BMP8B: variants seen among roughly 807,000 people sequenced by gnomAD.
BMP8B encodes the protein bone morphogenetic protein 8 (osteogenic protein 2).
Under a neutral mutation model 30.3 loss-of-function variants are expected in BMP8B, and 17 were observed. The observed-to-expected ratio is 0.56, with a 90% CI of 0.38 to 0.84. The LOEUF (loss-of-function observed/expected upper bound fraction) is 0.84, where lower values mean the gene tolerates loss of function less well. BMP8B is among the 40% of genes least tolerant of loss of function. The pLI is 0.00. For synonymous variants in BMP8B, 131 were observed against 214.7 expected (o/e 0.61, Z 3.41); for missense variants, 253 against 494.6 (o/e 0.51, Z 4.63).
intron 1 of BMP8B, among the ~76,000 whole-genome samples, chr1:39,779,391 G>A (rs1650461509): frequency 6.6e-6 from 1 of 152,188 alleles, no homozygotes; most frequent in Non-Finnish European, 1.5e-5. Flanking sequence ...CAGGGGCTGG[G>A]TGCACCATGG....
At chr1:39,786,235 G>C (rs962347202) in intron 1 of BMP8B, among the ~76,000 whole-genome samples, 1 of 152,202 alleles carries the variant, frequency 6.6e-6, no homozygotes, top group Admixed American at 6.5e-5. Flanking sequence ...TTGGCTTTTA[G>C]AATCCATTTC....
intron 3 of BMP8B, chr1:39,770,181 C>G: frequency 7.6e-7 from 1 of 1,311,970 alleles, no homozygotes; most frequent in Non-Finnish European, 1.0e-6. Flanking sequence ...TTGATGAGGT[C>G]GGCATCCACC....
chr1:39,768,057 C>T lies in BMP8B; in HGVS notation c.674-3240G>A, dbSNP rs1379103055. The stretch of plus-strand genomic sequence containing the variant: ...CATGCACCAGGCCAGGCTTGGTTGT[C>T]AACAGCACGTGTGCACGCGTGCATG... On this transcript the variant is annotated intron_variant, in intron 3 of 6. Transcript: ENST00000372827. 2.6e-5 allele frequency among the ~76,000 whole-genome samples: 4 copies of T among 151,038 alleles called. 1 individual carries two copies. The highest frequency in any genetic ancestry group is 3.0e-5 in the Non-Finnish European group (2 of 67,662).
At chr1:39,771,189 C>T (rs765654788) in intron 3 of BMP8B, 18 of 1,542,970 alleles carry the variant, frequency 1.2e-5, no homozygotes, top group Non-Finnish European at 1.6e-5. Flanking sequence ...TGGGACAGCG[C>T]GAGCCCTGAG....
chr1:39,760,588 A>G lies in BMP8B; in HGVS notation c.1060-20T>C, dbSNP rs1437811264. ...GTGCACCTGGCCAGGAAGAGGGCAC[A>G]GGCAGGGGCATGAGCCCAGTGGCCT... On this transcript the variant is annotated intron_variant, in intron 6 of 6. Transcript: ENST00000372827. 1.2e-6 allele frequency: 2 copies of G among 1,611,354 alleles called. No homozygotes were observed. The highest frequency in any genetic ancestry group is 1.7e-6 in the Non-Finnish European group (2 of 1,179,524).
In BMP8B at chr1:39,760,262, G is replaced by A; in HGVS notation, c.*157C>T. The A allele has an allele frequency of 8.1e-7, 1 of 1,235,182 alleles. No homozygotes were observed. The highest frequency in any genetic ancestry group is 1.5e-5 in the South Asian group (1 of 65,904). The allele number at this position is 1,235,182 out of a possible 1,614,324, so 76.5% of individuals were successfully genotyped here. A position where few individuals can be genotyped will look rare whatever the true frequency, so the allele number is the denominator to read the frequency against. ...GCCTGGCAGGGCAAGGGGAGCATAG[G>A]AGCCTGGCATGAAGGAGAAAGGGTC... On this transcript the variant is annotated 3_prime_UTR_variant, in exon 7 of 7. Transcript: ENST00000372827.
At chr1:39,786,839 C>T (rs1651015752) in intron 1 of BMP8B, among the ~76,000 whole-genome samples, 1 of 152,236 alleles carries the variant, frequency 6.6e-6, no homozygotes, top group African/African-American at 2.4e-5. Context: ...TCCTGCTGCT[C>T]GCCTCCACCA....
In BMP8B at chr1:39,760,295, T is replaced by C; in HGVS notation, c.*124A>G. On this transcript the variant is annotated 3_prime_UTR_variant, in exon 7 of 7. Coordinates refer to ENST00000372827, the MANE Select transcript of BMP8B (RefSeq NM_001720.5). ...CATGAAGGAGAAAGGGTCATGTACG[T>C]GGTTGTGAGGGTCCTCCCTGGCAAT... is the stretch of plus-strand genomic sequence containing the variant. 1 of 1,436,074 alleles carries C rather than the reference T, an allele frequency of 7.0e-7. No individual in the cohort carries two copies. Among genetic ancestry groups the C allele is most frequent in the Non-Finnish European group, 9.4e-7 (1 of 1,063,290 alleles). 89.0% of individuals were successfully genotyped at this position (1,436,074 alleles called of 1,614,324 possible). A position where few individuals can be genotyped will look rare whatever the true frequency, so the allele number is the denominator to read the frequency against.
intron 5 of BMP8B, 88 bp downstream of exon 5, chr1:39,763,624 C>G: frequency 7.3e-7 from 1 of 1,374,112 alleles, no homozygotes; most frequent in Non-Finnish European, 9.7e-7. Flanking sequence ...AAATTGAAGT[C>G]ACCATGATTC....
rs1009904734 is a variant in BMP8B at position 39,763,120 on chromosome 1, G to A, written c.1031C>T (p.Ala344Val). The A allele has an allele frequency of 1.1e-5, 17 of 1,613,954 alleles. No homozygotes were observed. Among genetic ancestry groups the A allele is most frequent in the Non-Finnish European group, 1.4e-5 (17 of 1,179,978 alleles). ...CSFPLDSCMN[A>V]TNHAILQSLV... is the part of the protein sequence containing the mutation. ...GGACTGCAGGATGGCGTGGTTGGTG[G>A]CATTCATGCAGGAGTCCAGTGGGAA... is the stretch of plus-strand genomic sequence containing the variant. Residue 344 changes from alanine (A) to valine (V), a missense_variant, in exon 6 of 7, where the codon GCC (alanine) becomes GTC (valine). Physicochemically the swap from Ala to Val is moderately conservative, Grantham distance 64 (BLOSUM62 0). Coordinates refer to ENST00000372827, the MANE Select transcript of BMP8B (RefSeq NM_001720.5).
chr1:39,780,630 G>A (rs1315134631), intron 1 of BMP8B, among the ~76,000 whole-genome samples: 1 of 152,228 alleles, frequency 6.6e-6, no homozygotes, highest in African/African-American at 2.4e-5. Flanking sequence ...AGTGGCTCAC[G>A]CCTGTCATCT....
intron 1 of BMP8B, among the ~76,000 whole-genome samples, chr1:39,784,199 T>C (rs1249047587): frequency 6.6e-6 from 1 of 152,034 alleles, no homozygotes; most frequent in African/African-American, 2.4e-5. Flanking sequence ...GATGCAGAGG[T>C]TCTGGGCACG....
chr1:39,785,726 G>T (rs565279475), intron 1 of BMP8B, among the ~76,000 whole-genome samples: 1 of 152,154 alleles, frequency 6.6e-6, no homozygotes, highest in Admixed American at 6.5e-5. Flanking sequence ...TCAGCTACTC[G>T]GGAGGCTGAG....
rs1482347588 is a variant in BMP8B, at chr1:39,774,294, G to GC, written c.673+13dup. Reference sequence around the variant, plus strand: ...ACAGAGAAGCCCCAGGGGCTGCAGAGCCCCCAGCCTCACCGTCCTCAGTCT... The same window carrying GC: ...ACAGAGAAGCCCCAGGGGCTGCAGAGCCCCCCAGCCTCACCGTCCTCAGTCT... On this transcript the variant is annotated intron_variant, in intron 3 of 6. Transcript: ENST00000372827. 2 of 141,256 alleles carry GC rather than the reference G, an allele frequency of 1.4e-5. 1 individual carries two copies. The highest frequency in any genetic ancestry group is 2.6e-5 in the Non-Finnish European group (2 of 75,728). 8.8% of individuals were successfully genotyped at this position (141,256 alleles called of 1,614,324 possible).
intron 1 of BMP8B, among the ~76,000 whole-genome samples, chr1:39,775,487 G>A (rs1356407344): frequency 2.0e-5 from 3 of 152,180 alleles, no homozygotes; most frequent in East Asian, 3.9e-4. Context: ...CATAACTGAC[G>A]GCATCTCAGG....
chr1:39,761,582 G>A (rs1648986015), intron 6 of BMP8B, among the ~76,000 whole-genome samples: 2 of 152,064 alleles, frequency 1.3e-5, no homozygotes, highest in Non-Finnish European at 2.9e-5. Flanking sequence ...TAGGGGAGCC[G>A]GCCCTGCCCA....
At chr1:39,762,084 C>G (rs1649074705) in intron 6 of BMP8B, among the ~76,000 whole-genome samples, 1 of 152,222 alleles carries the variant, frequency 6.6e-6, no homozygotes, top group Non-Finnish European at 1.5e-5. Flanking sequence ...CCTCATCATC[C>G]CTGGGCCTTT....
In BMP8B at chr1:39,760,350, G is replaced by A. The variant is rs1368587153; in HGVS notation, c.*69C>T. The A allele has an allele frequency of 1.0e-5, 16 of 1,597,770 alleles. No individual in the cohort carries two copies. The highest frequency in any genetic ancestry group is 1.4e-5 in the Non-Finnish European group (16 of 1,174,410). ...CGGCCTGGGGTCTGGCTGGGTTTGA[G>A]GGTTTCCTGCTTCTGAGGGGCCCGA... On this transcript the variant is annotated 3_prime_UTR_variant, in exon 7 of 7. Coordinates refer to ENST00000372827, the MANE Select transcript of BMP8B (RefSeq NM_001720.5).
At chr1:39,777,114 T>TTAGCAA (rs1427044901) in intron 1 of BMP8B, among the ~76,000 whole-genome samples, 1 of 152,016 alleles carries the variant, frequency 6.6e-6, no homozygotes, top group African/African-American at 2.4e-5. Context: ...GAGGAGGAAT[T>TTAGCAA]TAGCAATACC....
Sources: allele counts gnomAD v4.1 joint callset (sites outside exome capture counted in the v4.1 genomes callset), GRCh38; gene constraint gnomAD v4.1.1; transcripts MANE v1.5; gene names NCBI Gene and HGNC (gene_info 2026-07-23, HGNC 2026-07-21).